IL1RL2: variants seen among roughly 807,000 people sequenced by gnomAD.
IL1RL2 encodes interleukin 1 receptor like 2, also known as interleukin-1 receptor-like 2.
Under a neutral mutation model 66.8 loss-of-function variants are expected in IL1RL2, and 68 were observed. That is an observed-to-expected ratio of 1.02 (90% CI 0.84 to 1.25). IL1RL2 has a LOEUF of 1.25. Ranked by LOEUF, IL1RL2 falls within the 50% of genes most tolerant of loss-of-function variation. The pLI, the probability that IL1RL2 is intolerant of heterozygous loss-of-function variation, is 0.00. For synonymous variants in IL1RL2, 305 were observed against 264.6 expected (o/e 1.15, Z -1.48); for missense variants, 729 against 709.3 (o/e 1.03, Z -0.32).
chr2:102,197,086 G>C (rs1687850630), intron 4 of IL1RL2, among the ~76,000 whole-genome samples: 1 of 152,192 alleles, frequency 6.6e-6, no homozygotes, highest in African/African-American at 2.4e-5. Context: ...ACTCATGTCT[G>C]AGGGCCCCTA....
At chr2:102,217,748 G>T (rs1267067724) in intron 6 of IL1RL2, among the ~76,000 whole-genome samples, 1 of 152,102 alleles carries the variant, frequency 6.6e-6, no homozygotes, top group Non-Finnish European at 1.5e-5. Context: ...AATGAAACTA[G>T]ACCCCTATCT....
intron 3 of IL1RL2, among the ~76,000 whole-genome samples, chr2:102,191,608 T>C (rs567247772): frequency 1.3e-5 from 2 of 152,360 alleles, no homozygotes; most frequent in South Asian, 4.1e-4. Flanking sequence ...ATGAGTAGGT[T>C]CAGCCATTTT....
At chr2:102,230,709 G>A (rs572337966) in intron 9 of IL1RL2, among the ~76,000 whole-genome samples, 22 of 152,292 alleles carry the variant, frequency 1.4e-4, no homozygotes, top group South Asian at 6.2e-4. Context: ...GTGTGCATGC[G>A]TGTATATGAC....
At chr2:102,220,921 TC>T (rs1690070067) in intron 8 of IL1RL2, among the ~76,000 whole-genome samples, 1 of 152,204 alleles carries the variant, frequency 6.6e-6, no homozygotes, top group Admixed American at 6.5e-5. Flanking sequence ...GCCCGTTACC[TC>T]CCTTAGAATT....
chr2:102,219,192 C>CAT (rs2104831227), intron 7 of IL1RL2, 110 bp downstream of exon 7: 1 of 1,199,158 alleles, frequency 8.3e-7, no homozygotes, highest in Non-Finnish European at 1.2e-6. Context: ...CTCAATGATT[C>CAT]ATGTTATCAA....
chr2:102,227,335 G>A (rs2104866584), intron 9 of IL1RL2, among the ~76,000 whole-genome samples: 1 of 152,330 alleles, frequency 6.6e-6, no homozygotes, highest in East Asian at 1.9e-4. Flanking sequence ...CTGGCATCAA[G>A]TGCTTGCTTT....
intron 4 of IL1RL2, among the ~76,000 whole-genome samples, chr2:102,192,735 T>A (rs1216706207): frequency 5.9e-5 from 9 of 152,350 alleles, no homozygotes. Context: ...GAGCACAGGC[T>A]AGTCATTTGA....
chr2:102,221,851 T>C (rs995150815), intron 8 of IL1RL2, among the ~76,000 whole-genome samples: 3 of 152,166 alleles, frequency 2.0e-5, no homozygotes, highest in African/African-American at 7.2e-5. Context: ...TTTTTTATTG[T>C]GGAATATAAT....
At chr2:102,234,036 T>A (rs183428674) in intron 10 of IL1RL2, among the ~76,000 whole-genome samples, 3 of 152,268 alleles carry the variant, frequency 2.0e-5, no homozygotes, top group Admixed American at 6.5e-5. Flanking sequence ...GAGAGGCAAC[T>A]GTAGACTGAA....
rs776328571 is a variant in IL1RL2, at chr2:102,232,990, T to C, written c.1163T>C (p.Leu388Ser). The part of the protein sequence containing the change: ...VDGKLYDAYV[L>S]YPKPHKESQR... The stretch of plus-strand genomic sequence containing the variant: ...GGGAAGCTGTATGACGCCTATGTCT[T>C]ATACCCCAAGCCCCACAAGGAAAGC... Residue 388 changes from leucine (L) to serine (S), a missense_variant, in exon 10 of 12, where the codon TTA becomes TCA. Coordinates refer to ENST00000264257, the MANE Select transcript of IL1RL2 (RefSeq NM_003854.4). The C allele has an allele frequency of 1.9e-5, 30 of 1,613,958 alleles. No individual in the cohort carries two copies. In the Admixed American group the frequency reaches 2.5e-4, roughly 13 times the overall value.
intron 6 of IL1RL2, among the ~76,000 whole-genome samples, chr2:102,213,582 A>G (rs1272701084): frequency 6.6e-6 from 1 of 152,132 alleles, no homozygotes; most frequent in Non-Finnish European, 1.5e-5. Context: ...TGCATTTTTG[A>G]TTAGAGAGCC....
chr2:102,194,111 C>A (rs1431873199), intron 4 of IL1RL2, among the ~76,000 whole-genome samples: 1 of 152,176 alleles, frequency 6.6e-6, no homozygotes, highest in Non-Finnish European at 1.5e-5. Context: ...GAAGGCCCAC[C>A]TCTTCCATCT....
intron 5 of IL1RL2, 140 bp downstream of exon 5, chr2:102,201,855 CCACTG>C: frequency 1.4e-6 from 1 of 707,600 alleles, no homozygotes; most frequent in East Asian, 2.7e-5. Flanking sequence ...CTCAGACCTG[CCACTG>C]TTAGAATCAG....
At chr2:102,211,938 C>A (rs1344039562) in intron 5 of IL1RL2, among the ~76,000 whole-genome samples, 162 bp from the exon 6 acceptor site, 5 of 149,706 alleles carry the variant, frequency 3.3e-5, no homozygotes, top group Non-Finnish European at 7.4e-5. Flanking sequence ...TCTTTTTTGG[C>A]AATTCAGTTA....
At chr2:102,211,201 T>C (rs931882339) in intron 5 of IL1RL2, among the ~76,000 whole-genome samples, 1 of 152,232 alleles carries the variant, frequency 6.6e-6, no homozygotes, top group African/African-American at 2.4e-5. Flanking sequence ...TTTGCATTTT[T>C]CTTAGCTCCT....
chr2:102,202,092 G>A (rs1376073815), intron 5 of IL1RL2, among the ~76,000 whole-genome samples: 2 of 152,046 alleles, frequency 1.3e-5, no homozygotes, highest in East Asian at 1.9e-4. Flanking sequence ...ATTCCTGCGG[G>A]CCTTCCAGCT....
chr2:102,200,283 G>T (rs35648846), intron 4 of IL1RL2, among the ~76,000 whole-genome samples: 603 of 152,158 alleles, frequency 4.0e-3, no homozygotes, highest in African/African-American at 0.014. Context: ...GGTATTTATA[G>T]GGAAATAATG....
At position 102,239,280 on chromosome 2, in the gene IL1RL2, G is replaced by C; in HGVS notation, c.*39G>C. On this transcript the variant is annotated 3_prime_UTR_variant, in exon 12 of 12. Transcript: ENST00000264257. ...GACACCTATGGCTGGAAGATGACTT[G>C]TTTTGCTCCATGTCTCCTCATTCCT... The C allele has an allele frequency of 6.3e-7, 1 of 1,593,724 alleles. No individual in the cohort carries two copies. The highest frequency in any genetic ancestry group is 1.7e-5 in the Admixed American group (1 of 59,988).
At chr2:102,201,928 C>G (rs1688295116) in intron 5 of IL1RL2, among the ~76,000 whole-genome samples, 1 of 152,104 alleles carries the variant, frequency 6.6e-6, no homozygotes, top group African/African-American at 2.4e-5. Flanking sequence ...TTCTGAACAA[C>G]AGAACACTCA....
Sources: allele counts gnomAD v4.1 joint callset (sites outside exome capture counted in the v4.1 genomes callset), GRCh38; gene constraint gnomAD v4.1.1; transcripts MANE v1.5; gene names NCBI Gene and HGNC (gene_info 2026-07-23, HGNC 2026-07-21).